KCNIP1: variants seen among roughly 807,000 people sequenced by gnomAD.
The protein encoded by KCNIP1 is potassium voltage-gated channel interacting protein 1, also known as A-type potassium channel modulatory protein KCNIP1.
In KCNIP1, 18 loss-of-function variants were observed where a neutral mutation model predicts 33.0. The ratio of observed to expected loss-of-function variants is 0.55; its 90% CI spans 0.38 to 0.81. The LOEUF (loss-of-function observed/expected upper bound fraction) is 0.81, where lower values mean the gene tolerates loss of function less well. KCNIP1 is among the 30% of genes least tolerant of loss of function. The probability of loss-of-function intolerance (pLI) is 0.00; values close to 1 mark genes in which losing one functional copy is unlikely to be tolerated. For synonymous variants in KCNIP1, 93 were observed against 98.3 expected (o/e 0.95, Z 0.32); for missense variants, 238 against 271.6 (o/e 0.88, Z 0.87).
chr5:170,710,157 G>A (rs553645655), intron 1 of KCNIP1, among the ~76,000 whole-genome samples: 1 of 152,228 alleles, frequency 6.6e-6, no homozygotes, highest in African/African-American at 2.4e-5. Flanking sequence ...ATGAGCCACT[G>A]TGCCTGGACT....
chr5:170,557,745 C>T (rs1756890189), intron 1 of KCNIP1, among the ~76,000 whole-genome samples: 1 of 152,086 alleles, frequency 6.6e-6, no homozygotes, highest in Non-Finnish European at 1.5e-5. Context: ...GCCCGAGTGT[C>T]TGGAGTGGAG....
chr5:170,733,405 A>T (rs1764275872), intron 6 of KCNIP1, among the ~76,000 whole-genome samples: 1 of 152,224 alleles, frequency 6.6e-6, no homozygotes, highest in Non-Finnish European at 1.5e-5. Context: ...ATCAGAGAAT[A>T]TCAAGAGTTC....
intron 1 of KCNIP1, among the ~76,000 whole-genome samples, chr5:170,484,830 G>T (rs1757049731): frequency 6.6e-6 from 1 of 151,730 alleles, no homozygotes; most frequent in South Asian, 2.1e-4. Context: ...CCGTGTCTCT[G>T]GCTCACTTAT....
upstream of KCNIP1, chr5:170,503,927 C>T (rs910218015): frequency 3.3e-4 from 169 of 507,280 alleles, no homozygotes; most frequent in African/African-American, 3.4e-3. Flanking sequence ...CAGGGCTGGG[C>T]GTCCCCCGCC....
At chr5:170,420,737 C>T (rs1755465047) in intron 1 of KCNIP1, 1 of 152,144 alleles carries the variant, frequency 6.6e-6, no homozygotes, top group African/African-American at 2.4e-5. Flanking sequence ...TCAGGGTCAA[C>T]TGTATATTCA....
chr5:170,729,136 T>C (rs1764105245), intron 5 of KCNIP1, among the ~76,000 whole-genome samples: 1 of 152,034 alleles, frequency 6.6e-6, no homozygotes, highest in Non-Finnish European at 1.5e-5. Context: ...TATAGATATG[T>C]ACAGTTGCTT....
At chr5:170,394,380 G>A (rs1754700709) in intron 1 of KCNIP1, among the ~76,000 whole-genome samples, 5 of 152,246 alleles carry the variant, frequency 3.3e-5, no homozygotes, top group Admixed American at 3.3e-4. Context: ...TAAAATCAGG[G>A]ACTGGAACCG....
intron 1 of KCNIP1, among the ~76,000 whole-genome samples, chr5:170,366,930 C>CT (rs1763678874): frequency 2.6e-5 from 4 of 152,354 alleles, no homozygotes; most frequent in Admixed American, 2.0e-4. Flanking sequence ...GTCTCTCTCT[C>CT]TTGCCTTGGC....
At chr5:170,715,254 C>T (rs921695628) in intron 1 of KCNIP1, among the ~76,000 whole-genome samples, 2 of 152,220 alleles carry the variant, frequency 1.3e-5, no homozygotes, top group African/African-American at 4.8e-5. Flanking sequence ...GCAGGGCTAC[C>T]CCATCTAGGT....
At chr5:170,683,706 T>C (rs1762438963) in intron 1 of KCNIP1, among the ~76,000 whole-genome samples, 2 of 151,734 alleles carry the variant, frequency 1.3e-5, no homozygotes, top group South Asian at 2.1e-4. Context: ...TTGATCTTAT[T>C]CCTATTTTAT....
intron 1 of KCNIP1, among the ~76,000 whole-genome samples, chr5:170,544,834 G>A (rs970110155): frequency 2.6e-5 from 4 of 152,138 alleles, no homozygotes; most frequent in Non-Finnish European, 5.9e-5. Context: ...TTAAACTCCT[G>A]TACCCACTTC....
At chr5:170,542,701 T>C (rs1180871361) in intron 1 of KCNIP1, among the ~76,000 whole-genome samples, 1 of 152,090 alleles carries the variant, frequency 6.6e-6, no homozygotes, top group African/African-American at 2.4e-5. Context: ...AATTTATAAA[T>C]TAGGCATGGT....
intron 1 of KCNIP1, among the ~76,000 whole-genome samples, chr5:170,634,614 T>C (rs1760212334): frequency 6.6e-6 from 1 of 152,008 alleles, no homozygotes; most frequent in Non-Finnish European, 1.5e-5. Flanking sequence ...AGTGTGTGTG[T>C]GTAAAGAGGG....
intron 1 of KCNIP1, among the ~76,000 whole-genome samples, chr5:170,616,949 T>G (rs911633371): frequency 6.6e-5 from 10 of 152,046 alleles, no homozygotes; most frequent in Non-Finnish European, 1.3e-4. Context: ...CTCTGCTCTT[T>G]GATTTTCCCT....
intron 1 of KCNIP1, among the ~76,000 whole-genome samples, chr5:170,564,990 G>C (rs1757156628): frequency 6.6e-6 from 1 of 152,046 alleles, no homozygotes; most frequent in Admixed American, 6.5e-5. Flanking sequence ...CTGGCCCCAA[G>C]TCCTGTGCCC....
At chr5:170,602,387 G>A (rs1758729690) in intron 1 of KCNIP1, among the ~76,000 whole-genome samples, 1 of 152,198 alleles carries the variant, frequency 6.6e-6, no homozygotes, top group Non-Finnish European at 1.5e-5. Context: ...CTGATCCCTG[G>A]AGCCCTCAGG....
intron 1 of KCNIP1, among the ~76,000 whole-genome samples, chr5:170,691,542 G>T (rs1429929663): frequency 2.6e-5 from 4 of 152,172 alleles, no homozygotes; most frequent in Non-Finnish European, 5.9e-5. Flanking sequence ...CAGGATACTG[G>T]TAGGATTAGT....
At chr5:170,545,731 T>C (rs1332606407) in intron 1 of KCNIP1, among the ~76,000 whole-genome samples, 1 of 152,214 alleles carries the variant, frequency 6.6e-6, no homozygotes. Flanking sequence ...GAGAAGGCTA[T>C]ATGTTTTTGT....
chr5:170,657,990 C>T (rs1205499634), intron 1 of KCNIP1, among the ~76,000 whole-genome samples: 2 of 152,200 alleles, frequency 1.3e-5, no homozygotes, highest in Non-Finnish European at 2.9e-5. Context: ...CCTCATGAGG[C>T]TCTCTAAGAG....
Sources: allele counts gnomAD v4.1 joint callset (sites outside exome capture counted in the v4.1 genomes callset), GRCh38; gene constraint gnomAD v4.1.1; transcripts MANE v1.5; gene names NCBI Gene and HGNC (gene_info 2026-07-23, HGNC 2026-07-21).